ARID5B: variants seen among roughly 807,000 people sequenced by gnomAD.
The protein encoded by ARID5B is AT-rich interactive domain-containing protein 5B.
In ARID5B, 13 loss-of-function variants were observed where a neutral mutation model predicts 97.2. The ratio of observed to expected loss-of-function variants is 0.13; its 90% confidence interval spans 0.09 to 0.21. The LOEUF (loss-of-function observed/expected upper bound fraction) is 0.21, where lower values mean the gene tolerates loss of function less well. Among genes scored for constraint, ARID5B ranks in the 10% least tolerant of loss-of-function variants. The pLI is 1.00. For missense variants in ARID5B, 1,210 were observed against 1,465.3 expected (o/e 0.83, Z 2.84); for synonymous variants, 556 against 570.3 (o/e 0.97, Z 0.36).
At chr10:62,005,389 C>A (rs932642122) in intron 4 of ARID5B, among the ~76,000 whole-genome samples, 1 of 152,144 alleles carries the variant, frequency 6.6e-6, no homozygotes, top group Non-Finnish European at 1.5e-5. Context: ...TTTAAAAAAC[C>A]CTCTTGATAA....
At chr10:61,942,440 G>A (rs1040190463) in intron 3 of ARID5B, among the ~76,000 whole-genome samples, 15 of 152,212 alleles carry the variant, frequency 9.9e-5, no homozygotes, top group African/African-American at 3.6e-4. Flanking sequence ...ACTGAGACCA[G>A]CTTTTCTAGA....
intron 4 of ARID5B, among the ~76,000 whole-genome samples, chr10:62,004,201 AGG>A (rs1239014623): frequency 2.0e-5 from 3 of 152,212 alleles, no homozygotes; most frequent in Non-Finnish European, 4.4e-5. Context: ...TATTTTATTC[AGG>A]TCCCTTCCTT....
rs145131343 is a variant in ARID5B, at chr10:61,932,050, C to A, written c.277-8133C>A. Among the ~76,000 whole-genome samples the A allele has an allele frequency of 3.2e-3, 491 of 152,158 alleles. 3 individuals carry two copies. The highest frequency in any genetic ancestry group is 5.9e-3 in the Non-Finnish European group (398 of 67,994). ...ATATGGGTTCACACAAAAACCTGTG[C>A]GGGCATACCTTAGAGATAATGCAGG... is the stretch of plus-strand genomic sequence containing the variant. On this transcript the variant is annotated intron_variant, in intron 2 of 9. Coordinates refer to ENST00000279873, the MANE Select transcript of ARID5B (RefSeq NM_032199.3).
chr10:62,087,723 C>T (rs928980899), intron 9 of ARID5B, among the ~76,000 whole-genome samples: 1 of 152,156 alleles, frequency 6.6e-6, no homozygotes, highest in Non-Finnish European at 1.5e-5. Flanking sequence ...CCCATCTAGA[C>T]ATCAACTTAC....
chr10:61,908,857 C>T (rs1589214217), intron 2 of ARID5B, among the ~76,000 whole-genome samples: 2 of 150,266 alleles, frequency 1.3e-5, no homozygotes, highest in South Asian at 2.1e-4. Context: ...TCAAGGAGTT[C>T]CCAAACTGCC....
intron 4 of ARID5B, among the ~76,000 whole-genome samples, chr10:62,042,736 C>A (rs1839654631): frequency 6.6e-6 from 1 of 151,868 alleles, no homozygotes; most frequent in African/African-American, 2.4e-5. Flanking sequence ...ACGGTGAAAC[C>A]CCGTCTCTAC....
intron 4 of ARID5B, among the ~76,000 whole-genome samples, chr10:62,009,913 G>A (rs1839195095): frequency 1.3e-5 from 2 of 152,226 alleles, no homozygotes; most frequent in Non-Finnish European, 2.9e-5. Flanking sequence ...TATTTCAGGT[G>A]AGGAGGTGGA....
chr10:61,937,140 T>TA (rs1376674716), intron 2 of ARID5B, among the ~76,000 whole-genome samples: 2 of 152,214 alleles, frequency 1.3e-5, no homozygotes, highest in Non-Finnish European at 2.9e-5. Context: ...GGGGGCCAGA[T>TA]AGTTAAGGGA....
chr10:61,909,324 T>G (rs1333918761), intron 2 of ARID5B, among the ~76,000 whole-genome samples: 1 of 136,916 alleles, frequency 7.3e-6, no homozygotes, highest in Non-Finnish European at 1.6e-5. Flanking sequence ...GTGAGTTTTT[T>G]TTTTTTTTTT....
At chr10:61,987,061 G>T (rs78068393) in intron 3 of ARID5B, among the ~76,000 whole-genome samples, 6,051 of 152,282 alleles carry the variant, frequency 0.04, 183 homozygotes, top group African/African-American at 0.084. Flanking sequence ...TGCCGTCAGG[G>T]TGGAGCTGTG....
In ARID5B at chr10:62,092,402, A is replaced by T; in HGVS notation, c.2939A>T (p.His980Leu). 6.2e-7 allele frequency: 1 copy of T among 1,614,130 alleles called. No homozygotes were observed. The highest frequency in any genetic ancestry group is 8.5e-7 in the Non-Finnish European group (1 of 1,180,020). Residue 980 changes from histidine (H) to leucine (L), a missense_variant, in exon 10 of 10, where the codon CAT (histidine) becomes CTT (leucine). Transcript: ENST00000279873. ...ESLSRSGKPHHVRLENFRKME... is the reference protein window; with the variant it reads ...ESLSRSGKPHLVRLENFRKME... ...CTTTCAAGATCAGGAAAACCTCACC[A>T]TGTGAGACTGGAGAATTTCAGGAAG...
chr10:62,043,474 GAC>G (rs2132921215), intron 4 of ARID5B, among the ~76,000 whole-genome samples: 1 of 152,174 alleles, frequency 6.6e-6, no homozygotes, highest in East Asian at 1.9e-4. Flanking sequence ...CTTGCCTCAA[GAC>G]ACAGTGGGGG....
chr10:61,963,550 T>C (rs1297609811), intron 3 of ARID5B, among the ~76,000 whole-genome samples: 1 of 151,982 alleles, frequency 6.6e-6, no homozygotes, highest in Admixed American at 6.6e-5. Flanking sequence ...AAGATCCAGA[T>C]GGACAGCTGA....
intron 3 of ARID5B, among the ~76,000 whole-genome samples, chr10:61,973,215 C>T (rs1323102796): frequency 1.3e-5 from 2 of 151,892 alleles, no homozygotes; most frequent in Middle Eastern, 3.2e-3. Flanking sequence ...TTGTATGTGG[C>T]GGGGGAGGGG....
At chr10:61,940,541 G>A (rs1554839088) in intron 3 of ARID5B, 133 bp downstream of exon 3, 1 of 783,934 alleles carries the variant, frequency 1.3e-6, no homozygotes, top group Non-Finnish European at 2.0e-6. Context: ...AGGGTCCTAA[G>A]AATATGGATG....
chr10:61,992,769 C>G (rs1006162772), intron 3 of ARID5B, among the ~76,000 whole-genome samples: 1 of 152,006 alleles, frequency 6.6e-6, no homozygotes, highest in African/African-American at 2.4e-5. Flanking sequence ...AGTACATTAT[C>G]TTTTTATTGC....
At chr10:62,023,459 C>G (rs2132894333) in intron 4 of ARID5B, among the ~76,000 whole-genome samples, 1 of 152,258 alleles carries the variant, frequency 6.6e-6, no homozygotes, top group Admixed American at 6.5e-5. Flanking sequence ...TATATTTATG[C>G]ACATGTGAGC....
chr10:61,944,686 T>C (rs1844472358), intron 3 of ARID5B, among the ~76,000 whole-genome samples: 1 of 152,216 alleles, frequency 6.6e-6, no homozygotes, highest in African/African-American at 2.4e-5. Context: ...CTCTACAGGT[T>C]GACTTTTTAT....
Position 62,094,882 on chromosome 10 carries a change from A to G in ARID5B, c.*1852A>G. The G allele has an allele frequency of 4.3e-6, 1 of 231,156 alleles. No homozygotes were observed. The highest frequency in any genetic ancestry group is 8.6e-6 in the Non-Finnish European group (1 of 116,476). The allele number at this position is 231,156 out of a possible 1,614,324, so 14.3% of individuals were successfully genotyped here. On this transcript the variant is annotated 3_prime_UTR_variant, in exon 10 of 10. Transcript: ENST00000279873. ...TGGTGACAATTTTCAACTTCTAAAT[A>G]GGTAACTCGACTGCAAAATAATCAA... is the stretch of plus-strand genomic sequence containing the variant.
Sources: gnomAD v4.1 joint callset for allele counts (sites outside exome capture counted in the v4.1 genomes callset) on GRCh38, gnomAD v4.1.1 for gene constraint, MANE v1.5 for transcripts, NCBI Gene and HGNC (gene_info 2026-07-23, HGNC 2026-07-21) for gene names.